Variants in TNS1 observed in about 807,000 individuals in gnomAD.
The protein encoded by TNS1 is tensin 1, also known as tensin-1.
Under a neutral mutation model 168.6 loss-of-function variants are expected in TNS1, and 62 were observed. The observed-to-expected ratio is 0.37, with a 90% CI of 0.30 to 0.45. TNS1 has a LOEUF of 0.45. TNS1 is among the 20% of genes least tolerant of loss of function. TNS1 has a pLI of 1.00. For synonymous variants in TNS1, 934 were observed against 933.2 expected, an observed-to-expected ratio of 1.00 and a Z score of -0.02; for missense variants, 2,240 against 2,339.4, an observed-to-expected ratio of 0.96 and a Z score of 0.88.
Position 217,818,263 on chromosome 2 carries a change from C to T in TNS1, c.4069G>A (p.Val1357Ile), listed in dbSNP as rs573432829. The T allele has an allele frequency of 1.2e-6, 2 of 1,613,606 alleles. No individual in the cohort carries two copies. The highest frequency in any genetic ancestry group is 2.2e-5 in the South Asian group (2 of 91,036). The change falls in exon 24 of 33, where the codon GTC becomes ATC. Residue 1357 changes from valine to isoleucine, a missense_variant. This residue lies in a region of TNS1 where 2,131 missense variants were observed against 2,171.2 expected (regional missense o/e 0.98). Transcript: ENST00000682258. ...SPSLCRHPAG[V>I]YQVSGLHNKV... ...TTGTGGAGGCCAGAAACCTGGTAGACCCCTGCTGGGTGCCGACACAGGCTG... is the reference window on the plus strand; with the variant it reads ...TTGTGGAGGCCAGAAACCTGGTAGATCCCTGCTGGGTGCCGACACAGGCTG...
At chr2:218,014,396 C>T (rs1329206588), upstream of TNS1, among the ~76,000 whole-genome samples, 1 of 152,140 alleles carries the variant, frequency 6.6e-6, no homozygotes, top group Non-Finnish European at 1.5e-5. Context: ...TACCAACTTC[C>T]AAGCAGGTTC....
Position 217,813,144 on chromosome 2 carries a change from C to T in TNS1, c.4954+71G>A. ...TGTCAGAAAGAACTTGGGGTCAGAC[C>T]CCTGGAGGAACCCAGGACAGGACCA... On this transcript the variant is annotated intron_variant, in intron 27 of 32. Coordinates refer to ENST00000682258, the MANE Select transcript of TNS1 (RefSeq NM_001387777.1). This position sits in a 1 kb window ranked among gnomAD's most constrained non-coding sequence, Gnocchi z 4.0. The T allele has an allele frequency of 1.7e-6, 2 of 1,159,820 alleles. No homozygotes were observed. Among genetic ancestry groups the T allele is most frequent in the South Asian group, 2.6e-5 (2 of 76,190 alleles). 71.8% of individuals were successfully genotyped at this position (1,159,820 alleles called of 1,614,324 possible).
chr2:217,879,170 TCTC>T (rs1259439394), intron 18 of TNS1: 1 of 271,584 alleles, frequency 3.7e-6, no homozygotes, highest in Non-Finnish European at 7.3e-6. Flanking sequence ...CTTTCCCACA[TCTC>T]CTCCTCACCG....
At chr2:217,916,992 C>T (rs956765188) in intron 4 of TNS1, among the ~76,000 whole-genome samples, 8 of 152,188 alleles carry the variant, frequency 5.3e-5, no homozygotes, top group Admixed American at 3.9e-4. Context: ...AATACAAACC[C>T]GCCCTTTCCT....
chr2:218,024,609 G>T (rs1198852931), intron 1 of TNS1, among the ~76,000 whole-genome samples: 4 of 152,106 alleles, frequency 2.6e-5, no homozygotes, highest in African/African-American at 9.7e-5. Context: ...TAATGGTACT[G>T]CAGCTTGGCA....
chr2:217,945,713 C>T (rs575509323), intron 3 of TNS1, among the ~76,000 whole-genome samples: 1 of 152,262 alleles, frequency 6.6e-6, no homozygotes, highest in East Asian at 1.9e-4. Flanking sequence ...CCTCCCTAGC[C>T]GTCGGCCCAG....
chr2:217,952,181 C>T (rs1957260616), intron 3 of TNS1, among the ~76,000 whole-genome samples: 1 of 152,232 alleles, frequency 6.6e-6, no homozygotes, highest in Admixed American at 6.5e-5. Context: ...GGGCACTTAA[C>T]ATGTGCCAAG....
Position 217,813,983 on chromosome 2 carries a change from C to A in TNS1, c.4730-167G>T. 1.4e-6 allele frequency: 1 copy of A among 725,888 alleles called. No homozygotes were observed. Among genetic ancestry groups the A allele is most frequent in the Non-Finnish European group, 2.0e-6 (1 of 500,904 alleles). The allele number at this position is 725,888 out of a possible 1,614,324, so 45.0% of individuals were successfully genotyped here. A position where few individuals can be genotyped will look rare whatever the true frequency, so the allele number is the denominator to read the frequency against. Reference sequence around the variant, plus strand: ...ACGGGTCTTCCTGTACTCAGGTTGGCAAACTTATTCTGTTGGGTTTTTATG... The same window carrying A: ...ACGGGTCTTCCTGTACTCAGGTTGGAAAACTTATTCTGTTGGGTTTTTATG... On this transcript the variant is annotated intron_variant, in intron 25 of 32. Transcript: ENST00000682258. This position sits in a 1 kb window ranked among gnomAD's most constrained non-coding sequence, Gnocchi z 4.0.
intron 1 of TNS1, among the ~76,000 whole-genome samples, chr2:218,031,135 T>TGTGTGA (rs370319802): frequency 0.25 from 34,553 of 139,686 alleles, 4,813 homozygotes; most frequent in East Asian, 0.45. Context: ...TCTGTGTGTG[T>TGTGTGA]GTGTGTATGT....
At chr2:217,982,266 G>A (rs1175870682) in intron 2 of TNS1, among the ~76,000 whole-genome samples, 1 of 152,106 alleles carries the variant, frequency 6.6e-6, no homozygotes, top group Non-Finnish European at 1.5e-5. Flanking sequence ...AGATGAATAC[G>A]GCCCCAGTGA....
At chr2:217,894,721 G>T (rs1476414975) in intron 9 of TNS1, among the ~76,000 whole-genome samples, 1 of 152,102 alleles carries the variant, frequency 6.6e-6, no homozygotes, top group East Asian at 1.9e-4. Context: ...GCTCCCAACT[G>T]CTTTAAATCC....
At chr2:217,950,062 T>C (rs746566784) in intron 3 of TNS1, among the ~76,000 whole-genome samples, 169 of 152,294 alleles carry the variant, frequency 1.1e-3, no homozygotes, top group Middle Eastern at 0.01. Flanking sequence ...TCTACTCTAC[T>C]CCACCAGACA....
chr2:217,827,446 A>T (rs1444897303), intron 22 of TNS1, among the ~76,000 whole-genome samples: 1 of 152,188 alleles, frequency 6.6e-6, no homozygotes, highest in African/African-American at 2.4e-5. Flanking sequence ...TGACCCGGGC[A>T]GTGGCACATG....
At chr2:217,939,602 A>G (rs1956807107) in intron 3 of TNS1, among the ~76,000 whole-genome samples, 1 of 152,226 alleles carries the variant, frequency 6.6e-6, no homozygotes, top group Non-Finnish European at 1.5e-5. Context: ...GGGGCCCCAT[A>G]GTGGCCAAAG....
rs779436501 is a variant in TNS1, at chr2:217,831,552, G to A, written c.3281-5C>T. ...CCAGACCCGGGGGGGACCGCACTGT[G>A]CCAGGAAGAAGAGGGGAGACACAGG... On this transcript the variant is annotated splice_region_variant and splice_polypyrimidine_tract_variant and intron_variant, in intron 21 of 32. Coordinates refer to ENST00000682258, the MANE Select transcript of TNS1 (RefSeq NM_001387777.1). 5 of 1,490,934 alleles carry A rather than the reference G, an allele frequency of 3.4e-6. No homozygotes were observed. The highest frequency in any genetic ancestry group is 1.4e-5 in the South Asian group (1 of 71,318). The allele number at this position is 1,490,934 out of a possible 1,614,324, so 92.4% of individuals were successfully genotyped here.
At chr2:217,854,180 G>C (rs904646673) in intron 18 of TNS1, among the ~76,000 whole-genome samples, 2 of 152,170 alleles carry the variant, frequency 1.3e-5, no homozygotes, top group Admixed American at 1.3e-4. Flanking sequence ...CGCCCCAGCT[G>C]ATCAGCACTT....
chr2:217,807,857 C>A (rs924947545), intron 32 of TNS1, among the ~76,000 whole-genome samples: 1 of 152,204 alleles, frequency 6.6e-6, no homozygotes, highest in Non-Finnish European at 1.5e-5. Context: ...AGAGTGAAGG[C>A]AGCTGGACCA....
At chr2:217,961,492 C>T (rs1280582886) in intron 3 of TNS1, among the ~76,000 whole-genome samples, 1 of 152,152 alleles carries the variant, frequency 6.6e-6, no homozygotes, top group Admixed American at 6.5e-5. Context: ...AAGCCCTTGG[C>T]TTTCTCACTC....
intron 1 of TNS1, among the ~76,000 whole-genome samples, chr2:217,993,462 C>A (rs564315225): frequency 6.6e-6 from 1 of 152,308 alleles, no homozygotes; most frequent in African/African-American, 2.4e-5. Flanking sequence ...TGAGAACAGA[C>A]GCCGCTTCTG....
Sources: gnomAD v4.1 joint callset for allele counts (sites outside exome capture counted in the v4.1 genomes callset) on GRCh38, gnomAD v4.1.1 for gene constraint, gnomAD v4.1.1 regional missense constraint, Gnocchi (gnomAD v3.1) non-coding constraint, MANE v1.5 for transcripts, NCBI Gene and HGNC (gene_info 2026-07-23, HGNC 2026-07-21) for gene names.